Variants in MMRN1 observed in about 807,000 individuals in gnomAD.
MMRN1 encodes multimerin 1, also known as multimerin-1.
In MMRN1, 94 loss-of-function variants were observed where a neutral mutation model predicts 100.7. That is an observed-to-expected ratio of 0.93 (90% CI 0.79 to 1.11). MMRN1 has a LOEUF of 1.11. Ranked by LOEUF, MMRN1 falls within the 50% of genes least tolerant of loss-of-function variation. The pLI, the probability that MMRN1 is intolerant of heterozygous loss-of-function variation, is 0.00. For synonymous variants in MMRN1, 575 were observed against 505.0 expected (o/e 1.14, Z -1.86); for missense variants, 1,606 against 1,439.1 (o/e 1.12, Z -1.88).
Position 89,953,438 on chromosome 4 carries a change from T to C in MMRN1, c.*20T>C, listed in dbSNP as rs749950234. 5.8e-6 allele frequency: 9 copies of C among 1,551,364 alleles called. No homozygotes were observed. In the South Asian group the frequency reaches 1.1e-4, roughly 20 times the overall value. On this transcript the variant is annotated 3_prime_UTR_variant, in exon 8 of 8. Coordinates refer to ENST00000264790, the MANE Select transcript of MMRN1 (RefSeq NM_007351.3). ...ACATAAGTTAGTATGAAAAACAGACTATCACCTTTATTGAGAAACAGCCAG... is the reference window on the plus strand; with the variant it reads ...ACATAAGTTAGTATGAAAAACAGACCATCACCTTTATTGAGAAACAGCCAG...
At chr4:89,938,476 CATATATATATATATAT>C (rs372673572) in intron 6 of MMRN1, among the ~76,000 whole-genome samples, 2,252 of 123,566 alleles carry the variant, frequency 0.018, 68 homozygotes, top group African/African-American at 0.063. Flanking sequence ...ATTTTTTAAA[CATATATATATATATAT>C]ATATATATAT....
intron 7 of MMRN1, 88 bp downstream of exon 7, chr4:89,951,839 C>G: frequency 7.0e-7 from 1 of 1,422,858 alleles, no homozygotes; most frequent in Admixed American, 2.0e-5. Context: ...AATATTTAAG[C>G]CTGCTTAATC....
rs1175101282 is a variant in MMRN1 at position 89,935,679 on chromosome 4, C to A, written c.1999C>A (p.Gln667Lys). Residue 667 changes from glutamine (Q) to lysine (K), a missense_variant, in exon 6 of 8, where the codon CAA becomes AAA. Physicochemically the swap from Gln to Lys is moderately conservative, Grantham distance 53. Coordinates refer to ENST00000264790, the MANE Select transcript of MMRN1 (RefSeq NM_007351.3). ...ASLRQTMTYE[Q>K]PKEAIVIRKK... is the part of the protein sequence containing the mutation. The stretch of plus-strand genomic sequence containing the variant: ...ACTCAGACAGACAATGACATATGAA[C>A]AACCAAAGGAAGCAATAGTGATAAG... The A allele has an allele frequency of 6.2e-7, 1 of 1,613,028 alleles. No homozygotes were observed. The highest frequency in any genetic ancestry group is 8.5e-7 in the Non-Finnish European group (1 of 1,179,646).
At chr4:89,918,463 C>T (rs1019720800) in intron 3 of MMRN1, among the ~76,000 whole-genome samples, 1 of 151,846 alleles carries the variant, frequency 6.6e-6, no homozygotes, top group Non-Finnish European at 1.5e-5. Context: ...ACATCACAGG[C>T]TATCTTTGAA....
intron 5 of MMRN1, among the ~76,000 whole-genome samples, chr4:89,933,638 A>G (rs1026985073): frequency 1.3e-5 from 2 of 152,222 alleles, no homozygotes; most frequent in Non-Finnish European, 2.9e-5. Context: ...CAGCATGTGC[A>G]GGGGAACTGC....
At chr4:89,913,772 C>A (rs1721828351) in intron 3 of MMRN1, among the ~76,000 whole-genome samples, 1 of 151,110 alleles carries the variant, frequency 6.6e-6, no homozygotes, top group African/African-American at 2.4e-5. Flanking sequence ...CTGATTATGA[C>A]CTTCTGTCAT....
chr4:89,897,958 A>AAACTCCTTCTATAGAAAAGTACT (rs1721263055), intron 1 of MMRN1, among the ~76,000 whole-genome samples: 1 of 152,172 alleles, frequency 6.6e-6, no homozygotes, highest in Non-Finnish European at 1.5e-5. Context: ...AAATAATCTT[A>AAACTCCTTCTATAGAAAAGTACT]AACTCCTTCT....
Position 89,895,212 on chromosome 4 carries a change from T to A in MMRN1, c.241T>A (p.Ser81Thr), listed in dbSNP as rs534068438. The change falls in exon 1 of 8, where the codon TCA (serine) becomes ACA (threonine). Residue 81 changes from serine (S) to threonine (T), a missense_variant. Ser to Thr is a moderately conservative substitution (Grantham distance 58). Coordinates refer to ENST00000264790, the MANE Select transcript of MMRN1 (RefSeq NM_007351.3). Reference protein sequence around the residue: ...ARTSEDSLLKSTLPPSETSAP... With the variant: ...ARTSEDSLLKTTLPPSETSAP... ...AACTTCTGAAGACAGTCTTCTTAAA[T>A]CAACACTGCCTCCCTCAGAAACAAG... 1.2e-6 allele frequency: 2 copies of A among 1,613,796 alleles called. No individual in the cohort carries two copies. The highest frequency in any genetic ancestry group is 3.3e-5 in the Admixed American group (2 of 59,960).
At chr4:89,898,815 C>G (rs563685352) in intron 1 of MMRN1, among the ~76,000 whole-genome samples, 5 of 152,150 alleles carry the variant, frequency 3.3e-5, no homozygotes, top group African/African-American at 1.2e-4. Flanking sequence ...TCTAATCGCT[C>G]CTACAGGTCT....
At position 89,927,781 on chromosome 4, in the gene MMRN1, T is replaced by A; in HGVS notation, c.956-14T>A. The A allele has an allele frequency of 6.3e-7, 1 of 1,595,462 alleles. No homozygotes were observed. The highest frequency in any genetic ancestry group is 8.5e-7 in the Non-Finnish European group (1 of 1,173,612). On this transcript the variant is annotated splice_polypyrimidine_tract_variant and intron_variant, in intron 4 of 7. Coordinates refer to ENST00000264790, the MANE Select transcript of MMRN1 (RefSeq NM_007351.3). ...ATATTTTTTAATGGTCTCAATTTTC[T>A]CTTCTATATGCAGAAGTGATGCAAA...
At position 89,886,046 on chromosome 4, in the gene MMRN1, ATT is replaced by A. The variant is rs200498389; in HGVS notation, c.-249+6460_-249+6461del. ...TTTTATTAGCAACTATGCCTGGCTA[ATT>A]TTTTTTTTTTTTTTTGTATTTTAGT... On this transcript the variant is annotated intron_variant, in intron 1 of 8. Coordinates refer to the MMRN1 transcript ENST00000394980. Among the ~76,000 whole-genome samples the A allele has an allele frequency of 5.9e-3, 793 of 135,472 alleles. 6 individuals carry two copies. The highest frequency in any genetic ancestry group is 0.019 in the African/African-American group (700 of 36,584). The allele number at this position is 135,472 out of a possible 152,430, so 88.9% of individuals were successfully genotyped here.
rs1249772051 is a variant in MMRN1 at position 89,953,848 on chromosome 4, C to T, written c.*430C>T. The T allele has an allele frequency of 1.3e-5, 2 of 152,550 alleles. No homozygotes were observed. The highest frequency in any genetic ancestry group is 2.9e-5 in the Non-Finnish European group (2 of 68,376). 9.4% of individuals were successfully genotyped at this position (152,550 alleles called of 1,614,324 possible). A position where few individuals can be genotyped will look rare whatever the true frequency, so the allele number is the denominator to read the frequency against. ...TAGATTCACAAATTTAAATAAATTACTCAAAAAATGAAAATTGATTTTGTA... is the reference window on the plus strand; with the variant it reads ...TAGATTCACAAATTTAAATAAATTATTCAAAAAATGAAAATTGATTTTGTA... On this transcript the variant is annotated 3_prime_UTR_variant, in exon 8 of 8. Transcript: ENST00000264790.
rs759759000 is a variant in MMRN1 at position 89,927,987 on chromosome 4, A to G, written c.1129+19A>G. On this transcript the variant is annotated intron_variant, in intron 5 of 7. Coordinates refer to ENST00000264790, the MANE Select transcript of MMRN1 (RefSeq NM_007351.3). ...CTAAAAGGTAAAAATGAAATAAAAT[A>G]AAATATTCATTCAGTAACACAGAAA... 1.3e-6 allele frequency: 2 copies of G among 1,510,756 alleles called. No individual in the cohort carries two copies. The highest frequency in any genetic ancestry group is 1.8e-6 in the Non-Finnish European group (2 of 1,116,736). 93.6% of individuals were successfully genotyped at this position (1,510,756 alleles called of 1,614,324 possible).
chr4:89,932,937 GT>G (rs988310687), intron 5 of MMRN1, among the ~76,000 whole-genome samples: 6 of 151,916 alleles, frequency 3.9e-5, no homozygotes, highest in East Asian at 3.9e-4. Context: ...AGAAAATGAG[GT>G]TTTTTTTCTT....
In MMRN1 at chr4:89,927,394, CT is replaced by C. The variant is rs796782403; in HGVS notation, c.956-393del. On this transcript the variant is annotated intron_variant, in intron 4 of 7. Transcript: ENST00000264790. ...TGTGTGGCTATTGTAAATGAGATTA[CT>C]TTTTTTTCTTTCTCAGATTATTCAC... is the stretch of plus-strand genomic sequence containing the variant. Among the ~76,000 whole-genome samples the C allele has an allele frequency of 5.3e-5, 8 of 151,824 alleles. 1 individual carries two copies. The highest frequency in any genetic ancestry group is 2.0e-4 in the Admixed American group (3 of 15,212).
chr4:89,934,768 A>G, intron 5 of MMRN1, 42 bp from the exon 6 acceptor site: 1 of 1,169,950 alleles, frequency 8.5e-7, no homozygotes, highest in Non-Finnish European at 1.2e-6. Flanking sequence ...TTAAAGTCTC[A>G]TATAATTAAA....
At chr4:89,937,180 A>G (rs1467693190) in intron 6 of MMRN1, among the ~76,000 whole-genome samples, 8 of 152,134 alleles carry the variant, frequency 5.3e-5, no homozygotes, top group Non-Finnish European at 2.9e-5. Context: ...CTGATATGCA[A>G]TAGGAACTCA....
chr4:89,952,924 T>G, intron 7 of MMRN1, 73 bp from the exon 8 acceptor site: 1 of 1,392,100 alleles, frequency 7.2e-7, no homozygotes, highest in Middle Eastern at 2.2e-4. Context: ...GAGATAAAAA[T>G]GACGAAGATA....
chr4:89,911,936 C>T lies in MMRN1; in HGVS notation c.744-8C>T. 2 of 1,536,556 alleles carry T rather than the reference C, an allele frequency of 1.3e-6. No individual in the cohort carries two copies. Among genetic ancestry groups the T allele is most frequent in the South Asian group, 2.3e-5 (2 of 86,326 alleles). Reference sequence around the variant, plus strand: ...AATCGATTTCCCTCCAATTGCTCAACTCTCTAGATCTCAGAAGATATCCAA... The same window carrying T: ...AATCGATTTCCCTCCAATTGCTCAATTCTCTAGATCTCAGAAGATATCCAA... On this transcript the variant is annotated splice_region_variant and splice_polypyrimidine_tract_variant and intron_variant, in intron 2 of 7. Coordinates refer to ENST00000264790, the MANE Select transcript of MMRN1 (RefSeq NM_007351.3).
Sources: allele counts gnomAD v4.1 joint callset (sites outside exome capture counted in the v4.1 genomes callset), GRCh38; gene constraint gnomAD v4.1.1; transcripts MANE v1.5; gene names NCBI Gene and HGNC (gene_info 2026-07-23, HGNC 2026-07-21).